The following SYNE1 variants were observed in gnomAD, a reference collection of about 807,000 sequenced individuals.
SYNE1 encodes spectrin repeat containing nuclear envelope protein 1, also known as nesprin-1.
In SYNE1, 616 loss-of-function variants were observed where a neutral mutation model predicts 1,111.0. The ratio of observed to expected loss-of-function variants is 0.55; its 90% CI spans 0.52 to 0.59. The LOEUF is 0.59. Among genes scored for constraint, SYNE1 ranks in the 20% least tolerant of loss-of-function variants. The pLI, the probability that SYNE1 is intolerant of heterozygous loss-of-function variation, is 0.00. For missense variants in SYNE1, 10,006 were observed against 10,417.0 expected (o/e 0.96, Z 1.72); for synonymous variants, 3,855 against 3,825.8 (o/e 1.01, Z -0.28).
rs2098415660 is a variant in SYNE1, at chr6:152,430,171, C to G, written c.4729G>C (p.Val1577Leu). Residue 1577 changes from valine (V) to leucine (L), a missense_variant, in exon 36 of 146, where the codon GTT becomes CTT. This residue lies in a region of SYNE1 where 1,971 missense variants were observed against 2,084.1 expected (regional missense o/e 0.95). Coordinates refer to ENST00000367255, the MANE Select transcript of SYNE1 (RefSeq NM_182961.4). Reference sequence around the variant, plus strand: ...GCTGAAGAACATATTTTAATTGGAACAGCAAGTTTATCTTCAAATTCAGAC... The same window carrying G: ...GCTGAAGAACATATTTTAATTGGAAGAGCAAGTTTATCTTCAAATTCAGAC... ...SVSEFEDKLA[V>L]PIKICSSATE... is the part of the protein sequence containing the mutation. The G allele has an allele frequency of 6.2e-7, 1 of 1,605,170 alleles. No homozygotes were observed.
rs1345429918 is a variant in SYNE1, at chr6:152,149,464, C to G, written c.24642+13G>C. The G allele has an allele frequency of 6.2e-7, 1 of 1,614,132 alleles. No individual in the cohort carries two copies. Among genetic ancestry groups the G allele is most frequent in the Non-Finnish European group, 8.5e-7 (1 of 1,179,998 alleles). On this transcript the variant is annotated intron_variant, in intron 136 of 145. Transcript: ENST00000367255. ...TAGATTTAATGACAACTAAGAAAAT[C>G]AATGTTACATACAGGCAGGCGGATC...
At chr6:152,365,803 C>A (rs1340878802) in intron 62 of SYNE1, among the ~76,000 whole-genome samples, 1 of 152,072 alleles carries the variant, frequency 6.6e-6, no homozygotes, top group Non-Finnish European at 1.5e-5. Context: ...ATAATGTTGC[C>A]TAAAAGACAA....
intron 91 of SYNE1, among the ~76,000 whole-genome samples, chr6:152,305,642 C>T (rs2095351158): frequency 1.3e-5 from 2 of 152,138 alleles, no homozygotes; most frequent in Admixed American, 1.3e-4. Flanking sequence ...TGTAAGAAAA[C>T]TAGATTCACC....
rs571374528 is a variant in SYNE1, at chr6:152,555,263, CACATA to C, written c.68-15247_68-15243del. Among the ~76,000 whole-genome samples, 899 of 152,284 alleles carry C rather than the reference CACATA, an allele frequency of 5.9e-3. 7 individuals are homozygous for C. The highest frequency in any genetic ancestry group is 7.2e-3 in the Non-Finnish European group (492 of 68,014). On this transcript the variant is annotated intron_variant, in intron 3 of 145. Coordinates refer to ENST00000367255, the MANE Select transcript of SYNE1 (RefSeq NM_182961.4). ...CCGTTCCCCCAGTATAAGCATATAT[CACATA>C]ACATTTCAGCCAATGATGGACCACA... is the stretch of plus-strand genomic sequence containing the variant.
chr6:152,451,007 A>G (rs755754220), intron 26 of SYNE1, 40 bp downstream of exon 26: 1 of 1,613,270 alleles, frequency 6.2e-7, no homozygotes, highest in Non-Finnish European at 8.5e-7. Context: ...GAACAATGTG[A>G]CTTGACACGG....
intron 30 of SYNE1, among the ~76,000 whole-genome samples, chr6:152,443,554 G>A (rs188533328): frequency 5.6e-4 from 86 of 152,286 alleles, no homozygotes; most frequent in Middle Eastern, 6.8e-3. Flanking sequence ...GTGAGCCACC[G>A]TGCCCGGCCT....
chr6:152,317,322 C>G (rs770117084), intron 86 of SYNE1, among the ~76,000 whole-genome samples: 16 of 150,794 alleles, frequency 1.1e-4, no homozygotes, highest in Non-Finnish European at 2.4e-4. Flanking sequence ...ATCTTACGGG[C>G]TCAGCCTCCC....
Position 152,189,412 on chromosome 6 carries a change from A to G in SYNE1, c.23146-5T>C. On this transcript the variant is annotated splice_region_variant and splice_polypyrimidine_tract_variant and intron_variant, in intron 127 of 145. Coordinates refer to ENST00000367255, the MANE Select transcript of SYNE1 (RefSeq NM_182961.4). ...CCCAACTGCATTTTCTAATTCCTAA[A>G]TAAAAAAACAAACTTGAATACCCAC... is the stretch of plus-strand genomic sequence containing the variant. The G allele has an allele frequency of 6.2e-7, 1 of 1,613,922 alleles. No individual in the cohort carries two copies. The highest frequency in any genetic ancestry group is 8.5e-7 in the Non-Finnish European group (1 of 1,179,900).
At position 152,381,310 on chromosome 6, in the gene SYNE1, G is replaced by C. The variant is rs576979843; in HGVS notation, c.8705C>G (p.Ser2902Trp). The change falls in exon 56 of 146, where the codon TCG becomes TGG. Residue 2902 changes from serine (S) to tryptophan (W), a missense_variant. By Grantham distance (177) the Ser-to-Trp change is radical (BLOSUM62 -3). Coordinates refer to ENST00000367255, the MANE Select transcript of SYNE1 (RefSeq NM_182961.4). The stretch of plus-strand genomic sequence containing the variant: ...GTTCTGTTTCACTTCGGGAGCCAGC[G>C]ACTCCACTCTGCTGAGACGGCTTGC... ...IGASRLSRVE[S>W]LAPEVKQNTT... is the part of the protein sequence containing the mutation. The C allele has an allele frequency of 1.2e-6, 2 of 1,614,080 alleles. No homozygotes were observed. The highest frequency in any genetic ancestry group is 1.3e-5 in the African/African-American group (1 of 75,046).
intron 91 of SYNE1, among the ~76,000 whole-genome samples, chr6:152,307,412 T>C (rs1380764005): frequency 6.6e-6 from 1 of 152,212 alleles, no homozygotes; most frequent in Non-Finnish European, 1.5e-5. Flanking sequence ...ATTTTTCTCA[T>C]GACAAAGTTA....
In SYNE1 at chr6:152,308,511, T is replaced by C; in HGVS notation, c.17324A>G (p.Gln5775Arg). Reference protein sequence around the residue: ...PVATSNIQELQAQISRHEELA... With the variant: ...PVATSNIQELRAQISRHEELA... Reference sequence around the variant, plus strand: ...CACCTCATGCCGAGAAATCTGAGCCTGCAGCTCCTGTATGTTACTGGTGGC... The same window carrying C: ...CACCTCATGCCGAGAAATCTGAGCCCGCAGCTCCTGTATGTTACTGGTGGC... The change falls in exon 91 of 146, where the codon CAG becomes CGG. Residue 5775 changes from glutamine (Q) to arginine (R), a missense_variant. Physicochemically the swap from Gln to Arg is conservative, Grantham distance 43. This residue lies in a region of SYNE1 where 4,955 missense variants were observed against 5,017.2 expected (regional missense o/e 0.99). Transcript: ENST00000367255. The C allele has an allele frequency of 1.2e-6, 2 of 1,614,210 alleles. No individual in the cohort carries two copies. Among genetic ancestry groups the C allele is most frequent in the Non-Finnish European group, 1.7e-6 (2 of 1,180,036 alleles).
chr6:152,367,256 C>T lies in SYNE1; in HGVS notation c.9934G>A (p.Asp3312Asn), dbSNP rs147281213. The T allele has an allele frequency of 1.6e-4, 257 of 1,614,082 alleles. No homozygotes were observed. The highest frequency in any genetic ancestry group is 2.1e-4 in the Non-Finnish European group (243 of 1,180,038). Reference sequence around the variant, plus strand: ...GTCCTGCTGTCCAGCACACTTTTGTCGGATGTCGGGTGGCAGTATGAATCC... The same window carrying T: ...GTCCTGCTGTCCAGCACACTTTTGTTGGATGTCGGGTGGCAGTATGAATCC... ...MLDSYCHPTSDKSVLDSRTLK... is the reference protein window; with the variant it reads ...MLDSYCHPTSNKSVLDSRTLK... Residue 3312 changes from aspartate to asparagine, a missense_variant, in exon 62 of 146, where the codon GAC becomes AAC. Physicochemically the swap from Asp to Asn is conservative, Grantham distance 23. Around this residue, in one of 7 missense-constraint regions of SYNE1, gnomAD observed 4,955 missense variants for 5,017.2 expected, o/e 0.99. Coordinates refer to ENST00000367255, the MANE Select transcript of SYNE1 (RefSeq NM_182961.4).
intron 11 of SYNE1, among the ~76,000 whole-genome samples, chr6:152,496,117 T>C (rs896780290): frequency 4.6e-5 from 7 of 152,180 alleles, no homozygotes; most frequent in Non-Finnish European, 8.8e-5. Flanking sequence ...CACACTAGTT[T>C]TCCTTACTCC....
intron 3 of SYNE1, among the ~76,000 whole-genome samples, chr6:152,545,382 C>T (rs2099305612): frequency 6.6e-6 from 1 of 152,136 alleles, no homozygotes; most frequent in South Asian, 2.1e-4. Context: ...GAGTTTGAGA[C>T]TAGCCTGGCC....
At chr6:152,376,643 G>C in intron 57 of SYNE1, 85 bp from the exon 58 acceptor site, 1 of 1,570,804 alleles carries the variant, frequency 6.4e-7, no homozygotes, top group South Asian at 1.1e-5. Flanking sequence ...CCAGTTCTTA[G>C]AATGTGCACT....
chr6:152,622,880 C>T (rs777950965), intron 3 of SYNE1, among the ~76,000 whole-genome samples: 4 of 152,142 alleles, frequency 2.6e-5, no homozygotes, highest in Non-Finnish European at 4.4e-5. Context: ...TACACTCCCA[C>T]CAACAGCATG....
At chr6:152,551,391 A>G (rs1275485962) in intron 3 of SYNE1, among the ~76,000 whole-genome samples, 1 of 152,122 alleles carries the variant, frequency 6.6e-6, no homozygotes. Flanking sequence ...CTCTTACCCT[A>G]ATCTAATTTT....
chr6:152,411,128 C>T (rs1188418732), intron 42 of SYNE1, among the ~76,000 whole-genome samples: 1 of 152,116 alleles, frequency 6.6e-6, no homozygotes, highest in Non-Finnish European at 1.5e-5. Flanking sequence ...TTTTAAAATG[C>T]ATATGAATGT....
chr6:152,231,243 G>A, intron 114 of SYNE1, 148 bp downstream of exon 114: 1 of 776,948 alleles, frequency 1.3e-6, no homozygotes, highest in Non-Finnish European at 2.2e-6. Flanking sequence ...GTTAAAGGAA[G>A]TTTAGGGTGA....
Sources: gnomAD v4.1 joint callset for allele counts (sites outside exome capture counted in the v4.1 genomes callset) on GRCh38, gnomAD v4.1.1 for gene constraint, gnomAD v4.1.1 regional missense constraint, MANE v1.5 for transcripts, NCBI Gene and HGNC (gene_info 2026-07-23, HGNC 2026-07-21) for gene names.